RFX3: variants seen among roughly 807,000 people sequenced by gnomAD.
The protein encoded by RFX3 is transcription factor RFX3.
In RFX3, 14 loss-of-function variants were observed where a neutral mutation model predicts 98.6. That is an observed-to-expected ratio of 0.14 (90% confidence interval 0.09 to 0.22). The LOEUF (loss-of-function observed/expected upper bound fraction) is 0.22, where lower values mean the gene tolerates loss of function less well. Ranked by LOEUF, RFX3 falls within the 10% of genes least tolerant of loss-of-function variation. The pLI, the probability that RFX3 is intolerant of heterozygous loss-of-function variation, is 1.00. For synonymous variants in RFX3, 383 were observed against 328.4 expected, an observed-to-expected ratio of 1.17 and a Z score of -1.80; for missense variants, 639 against 926.9, an observed-to-expected ratio of 0.69 and a Z score of 4.03.
intron 1 of RFX3, among the ~76,000 whole-genome samples, chr9:3,502,830 G>C (rs899968854): frequency 1.3e-5 from 2 of 152,002 alleles, no homozygotes; most frequent in African/African-American, 4.8e-5. Flanking sequence ...AAAAAGCAAT[G>C]GGAATAATAA....
chr9:3,380,818 A>G (rs1839111672), intron 2 of RFX3, among the ~76,000 whole-genome samples: 1 of 152,162 alleles, frequency 6.6e-6, no homozygotes. Context: ...TTAGTTAAGA[A>G]CCATCTAATT....
In RFX3 at chr9:3,225,226, T is replaced by G; in HGVS notation, c.2066A>C (p.Glu689Ala). Residue 689 changes from glutamate to alanine, a missense_variant, in exon 17 of 17, where the codon GAG (glutamate) becomes GCG (alanine). Physicochemically the swap from Glu to Ala is moderately radical, Grantham distance 107. Around this residue, in one of 9 missense-constraint regions of RFX3, gnomAD observed 129 missense variants for 124.6 expected, o/e 1.04. Transcript: ENST00000617270. ...EMDEELDDSSEPQAKREKTEL... is the reference protein window; with the variant it reads ...EMDEELDDSSAPQAKREKTEL... ...TGTTTTCTCTCTTTTGGCTTGAGGC[T>G]CTGAAGAGTCATCCAGTTCTTCATC... 6.2e-7 allele frequency: 1 copy of G among 1,613,888 alleles called. No individual in the cohort carries two copies. The highest frequency in any genetic ancestry group is 1.7e-5 in the Admixed American group (1 of 59,938).
intron 1 of RFX3, among the ~76,000 whole-genome samples, chr9:3,438,938 C>G (rs977583639): frequency 1.3e-5 from 2 of 151,816 alleles, no homozygotes; most frequent in Non-Finnish European, 2.9e-5. Context: ...TAAAACAAGT[C>G]TGAAATTTAA....
intron 1 of RFX3, among the ~76,000 whole-genome samples, chr9:3,437,181 C>G (rs1041181006): frequency 7.2e-5 from 11 of 152,036 alleles, no homozygotes; most frequent in African/African-American, 2.7e-4. Flanking sequence ...AATCCTTCTG[C>G]AAAGGGCTCC....
At chr9:3,504,928 TATATATAATATATATAATATA>T (rs1307477746) in intron 1 of RFX3, among the ~76,000 whole-genome samples, 1 of 66,308 alleles carries the variant, frequency 1.5e-5, no homozygotes, top group Non-Finnish European at 2.3e-5. Flanking sequence ...TAACATATAT[TATATATAATATATATAATATA>T]ATATATATTA....
intron 1 of RFX3, among the ~76,000 whole-genome samples, chr9:3,470,623 G>A (rs537656707): frequency 2.6e-5 from 4 of 152,048 alleles, no homozygotes; most frequent in Middle Eastern, 3.4e-3. Flanking sequence ...CCACCGCACC[G>A]GGCCAAAGCC....
intron 1 of RFX3, among the ~76,000 whole-genome samples, chr9:3,425,894 G>A (rs1164717825): frequency 6.6e-6 from 1 of 152,068 alleles, no homozygotes; most frequent in African/African-American, 2.4e-5. Context: ...CAAGTTGAAT[G>A]ATATTTCTTA....
chr9:3,524,864 CACACACACACACA>C (rs1564205426), intron 1 of RFX3, among the ~76,000 whole-genome samples: 106 of 138,472 alleles, frequency 7.7e-4, no homozygotes, highest in East Asian at 3.2e-3. Context: ...CACACACACA[CACACACACACACA>C]CCAAAGAAGA....
At chr9:3,337,572 G>T (rs576640010) in intron 3 of RFX3, among the ~76,000 whole-genome samples, 10 of 152,286 alleles carry the variant, frequency 6.6e-5, no homozygotes, top group South Asian at 6.2e-4. Context: ...GTTTACAGTG[G>T]CAGTAGGGCC....
intron 5 of RFX3, among the ~76,000 whole-genome samples, chr9:3,298,206 A>C (rs1828226220): frequency 6.6e-6 from 1 of 151,864 alleles, no homozygotes; most frequent in East Asian, 1.9e-4. Context: ...GATCTTTTTA[A>C]AAGATGAGAT....
intron 1 of RFX3, among the ~76,000 whole-genome samples, chr9:3,461,350 G>C (rs529718595): frequency 1.1e-4 from 17 of 152,020 alleles, no homozygotes; most frequent in South Asian, 2.1e-4. Flanking sequence ...GACAGCATTT[G>C]AAATCCTGAT....
chr9:3,504,951 T>TATATATAATATA (rs1564185981), intron 1 of RFX3, among the ~76,000 whole-genome samples: 4 of 59,722 alleles, frequency 6.7e-5, no homozygotes, highest in African/African-American at 3.7e-4. Context: ...TATAATATAA[T>TATATATAATATA]ATATATTATA....
intron 1 of RFX3, among the ~76,000 whole-genome samples, chr9:3,433,943 A>T (rs1458665112): frequency 6.6e-6 from 1 of 152,194 alleles, no homozygotes; most frequent in Non-Finnish European, 1.5e-5. Context: ...TTACAAAAAT[A>T]GGCAGCCAGG....
chr9:3,412,576 T>C (rs1248356627), intron 1 of RFX3, among the ~76,000 whole-genome samples: 2 of 152,102 alleles, frequency 1.3e-5, no homozygotes, highest in Admixed American at 1.3e-4. Context: ...TTAGTAAAAG[T>C]TTATAAAAGA....
intron 1 of RFX3, among the ~76,000 whole-genome samples, chr9:3,444,962 G>T (rs1845913772): frequency 6.6e-6 from 1 of 152,206 alleles, no homozygotes; most frequent in Non-Finnish European, 1.5e-5. Flanking sequence ...ATAGGAGACA[G>T]ACAGTACTTC....
At chr9:3,470,266 C>T (rs1225846924) in intron 1 of RFX3, among the ~76,000 whole-genome samples, 1 of 152,034 alleles carries the variant, frequency 6.6e-6, no homozygotes, top group Non-Finnish European at 1.5e-5. Context: ...GGGCAAGATT[C>T]CATCTCAACT....
intron 3 of RFX3, among the ~76,000 whole-genome samples, chr9:3,340,130 C>G (rs1047673003): frequency 6.6e-6 from 1 of 152,114 alleles, no homozygotes; most frequent in Non-Finnish European, 1.5e-5. Flanking sequence ...TTTGACAAAC[C>G]TGGCAAAAAC....
intron 1 of RFX3, among the ~76,000 whole-genome samples, chr9:3,454,554 T>G (rs1392343562): frequency 3.9e-5 from 6 of 152,182 alleles, no homozygotes; most frequent in Non-Finnish European, 7.4e-5. Flanking sequence ...CCGCTATAAA[T>G]GTTTAGGCTG....
chr9:3,238,062 G>A (rs151123972), intron 15 of RFX3, among the ~76,000 whole-genome samples: 99 of 152,172 alleles, frequency 6.5e-4, no homozygotes, highest in Admixed American at 1.1e-3. Context: ...AGTTCACAAC[G>A]TGAGGACTGA....
Sources: allele counts gnomAD v4.1 joint callset (sites outside exome capture counted in the v4.1 genomes callset), GRCh38; gene constraint gnomAD v4.1.1; regional missense constraint gnomAD v4.1.1; transcripts MANE v1.5; gene names NCBI Gene and HGNC (gene_info 2026-07-23, HGNC 2026-07-21).